CRCP: variants seen among roughly 807,000 people sequenced by gnomAD.
The protein encoded by CRCP is DNA-directed RNA polymerase III subunit RPC9.
In CRCP, 18 loss-of-function variants were observed where a neutral mutation model predicts 18.5. The observed-to-expected ratio is 0.97, with a 90% CI of 0.67 to 1.44. The LOEUF (loss-of-function observed/expected upper bound fraction) is 1.44, where lower values mean the gene tolerates loss of function less well. CRCP is among the 40% of genes most tolerant of loss of function. The probability of loss-of-function intolerance (pLI) is 0.00; values close to 1 mark genes in which losing one functional copy is unlikely to be tolerated. For missense variants in CRCP, 130 were observed against 176.4 expected, an observed-to-expected ratio of 0.74 and a Z score of 1.49; for synonymous variants, 53 against 62.9, an observed-to-expected ratio of 0.84 and a Z score of 0.75.
intron 3 of CRCP, among the ~76,000 whole-genome samples, chr7:66,132,667 G>A (rs1364995713): frequency 3.3e-5 from 5 of 152,114 alleles, no homozygotes; most frequent in African/African-American, 1.2e-4. Context: ...TGTAATCCCA[G>A]CACTTTGGGA....
intron 4 of CRCP, among the ~76,000 whole-genome samples, chr7:66,143,674 G>A (rs1352317387): frequency 6.6e-6 from 1 of 152,162 alleles, no homozygotes; most frequent in Non-Finnish European, 1.5e-5. Context: ...GAGACAGATG[G>A]CATTATGACA....
chr7:66,128,088 C>T (rs375468747), intron 2 of CRCP, among the ~76,000 whole-genome samples: 4 of 143,292 alleles, frequency 2.8e-5, no homozygotes, highest in African/African-American at 1.0e-4. Context: ...GCACTCCAGC[C>T]TGGGCAATAG....
chr7:66,122,709 G>C (rs557036667), intron 1 of CRCP, among the ~76,000 whole-genome samples: 1 of 152,152 alleles, frequency 6.6e-6, no homozygotes, highest in South Asian at 2.1e-4. Context: ...CAGACACTGG[G>C]TGGCTTAGAC....
chr7:66,114,856 C>G lies in CRCP; in HGVS notation c.-107C>G. The G allele has an allele frequency of 8.7e-6, 14 of 1,600,232 alleles. No homozygotes were observed. Among genetic ancestry groups the G allele is most frequent in the Non-Finnish European group, 1.2e-5 (14 of 1,169,248 alleles). ...GCAGCGCGGCGATCCCGGCGAGCAC[C>G]TTGGCGCGCGGAGCTGGCACCTTGG... On this transcript the variant is annotated 5_prime_UTR_variant, in exon 1 of 6. Coordinates refer to ENST00000395326, the MANE Select transcript of CRCP (RefSeq NM_014478.5).
Position 66,132,910 on chromosome 7 carries a change from CAAATAAATAAAT to C in CRCP, c.145-1355_145-1344del, listed in dbSNP as rs572717897. Among the ~76,000 whole-genome samples the C allele has an allele frequency of 2.0e-3, 302 of 150,648 alleles. 1 individual carries two copies. The highest frequency in any genetic ancestry group is 7.2e-3 in the African/African-American group (295 of 40,928). ...TGGGCGACAGAGCAAGACTCTGTCT[CAAATAAATAAAT>C]AAATAAATAAATAAGATGAAAGGAC... On this transcript the variant is annotated intron_variant, in intron 3 of 5. Coordinates refer to ENST00000395326, the MANE Select transcript of CRCP (RefSeq NM_014478.5).
At chr7:66,133,308 A>G (rs1277265531) in intron 3 of CRCP, among the ~76,000 whole-genome samples, 1 of 152,060 alleles carries the variant, frequency 6.6e-6, no homozygotes. Flanking sequence ...GATCGAGACC[A>G]TCCTGGCTAA....
chr7:66,148,801 A>G (rs528782851), intron 5 of CRCP, among the ~76,000 whole-genome samples: 13 of 152,330 alleles, frequency 8.5e-5, no homozygotes, highest in African/African-American at 3.1e-4. Flanking sequence ...GTCTTGACTC[A>G]TATAGAGCGT....
At chr7:66,122,521 C>T (rs1294908019) in intron 1 of CRCP, among the ~76,000 whole-genome samples, 3 of 152,064 alleles carry the variant, frequency 2.0e-5, no homozygotes, top group Non-Finnish European at 4.4e-5. Context: ...ACTTGACTCA[C>T]CATTTTAAGC....
intron 3 of CRCP, among the ~76,000 whole-genome samples, chr7:66,133,228 G>A (rs1200766923): frequency 6.6e-6 from 1 of 151,994 alleles, no homozygotes; most frequent in Non-Finnish European, 1.5e-5. Context: ...ATTCTTGGCC[G>A]GGTGCGGTGT....
chr7:66,138,792 C>CAAAAA (rs35447994), intron 4 of CRCP, among the ~76,000 whole-genome samples: 3 of 131,404 alleles, frequency 2.3e-5, no homozygotes, highest in East Asian at 2.2e-4. Flanking sequence ...GACTCCGTCT[C>CAAAAA]AAAAAAAAAA....
At chr7:66,134,413 G>A in intron 4 of CRCP, 39 bp downstream of exon 4, 1 of 1,354,114 alleles carries the variant, frequency 7.4e-7, no homozygotes, top group Non-Finnish European at 1.0e-6. Context: ...GTGACACATG[G>A]TGAAATGATA....
intron 1 of CRCP, among the ~76,000 whole-genome samples, chr7:66,121,034 CATAATAATAATAATAATAATA>C (rs10607378): frequency 6.9e-6 from 1 of 145,374 alleles, no homozygotes; most frequent in Admixed American, 7.0e-5. Flanking sequence ...GTAACTAATA[CATAATAATAATAATAATAATA>C]ATAATAATAA....
intron 1 of CRCP, among the ~76,000 whole-genome samples, chr7:66,121,462 ATT>A (rs879336268): frequency 3.5e-5 from 5 of 143,188 alleles, no homozygotes; most frequent in African/African-American, 5.1e-5. Context: ...AAAGCATACA[ATT>A]TTTTTTTTTT....
Position 66,152,402 on chromosome 7 carries a change from G to A in CRCP, c.*45G>A, listed in dbSNP as rs1584106263. The A allele has an allele frequency of 1.9e-6, 3 of 1,606,560 alleles. No homozygotes were observed. The highest frequency in any genetic ancestry group is 1.3e-5 in the African/African-American group (1 of 74,872). On this transcript the variant is annotated 3_prime_UTR_variant, in exon 6 of 6. Coordinates refer to ENST00000395326, the MANE Select transcript of CRCP (RefSeq NM_014478.5). ...GCGTTTCATGAAGTCAGAAGGCCTG[G>A]CAGCCATTTCCTGGACGTTGAGAGG...
intron 4 of CRCP, among the ~76,000 whole-genome samples, chr7:66,138,808 T>A (rs13238570): frequency 1.1e-4 from 15 of 136,128 alleles, no homozygotes; most frequent in African/African-American, 2.8e-4. Context: ...AAAAAAAAAA[T>A]TTAAATAAAT....
At chr7:66,118,423 T>C (rs896989773) in intron 1 of CRCP, among the ~76,000 whole-genome samples, 2 of 152,228 alleles carry the variant, frequency 1.3e-5, no homozygotes, top group African/African-American at 2.4e-5. Flanking sequence ...TATGTTTACT[T>C]GTTTGGAGGG....
At chr7:66,127,485 G>A (rs1028140368) in intron 1 of CRCP, among the ~76,000 whole-genome samples, 1 of 152,204 alleles carries the variant, frequency 6.6e-6, no homozygotes, top group African/African-American at 2.4e-5. Context: ...GGACATGGCT[G>A]TGGGATGGGA....
intron 1 of CRCP, among the ~76,000 whole-genome samples, chr7:66,118,755 A>T (rs959412172): frequency 2.0e-5 from 3 of 152,212 alleles, no homozygotes; most frequent in Non-Finnish European, 4.4e-5. Context: ...TTCCTGGCTC[A>T]TAACTACCAT....
At chr7:66,134,567 A>G (rs1015741007) in intron 4 of CRCP, 193 bp downstream of exon 4, 4 of 443,062 alleles carry the variant, frequency 9.0e-6, no homozygotes, top group African/African-American at 2.1e-5. Context: ...TTTTTTATAA[A>G]TGAAGAAAGT....
Sources: gnomAD v4.1 joint callset for allele counts (sites outside exome capture counted in the v4.1 genomes callset) on GRCh38, gnomAD v4.1.1 for gene constraint, MANE v1.5 for transcripts, NCBI Gene and HGNC (gene_info 2026-07-23, HGNC 2026-07-21) for gene names.